KIF1B: variants seen among roughly 807,000 people sequenced by gnomAD.
KIF1B encodes kinesin-like protein KIF1B.
Under a neutral mutation model 241.9 loss-of-function variants are expected in KIF1B, and 76 were observed. The ratio of observed to expected loss-of-function variants is 0.31; its 90% CI spans 0.26 to 0.38. The LOEUF is 0.38. KIF1B is among the 10% of genes least tolerant of loss of function. KIF1B has a pLI of 1.00. For synonymous variants in KIF1B, 750 were observed against 796.7 expected, an observed-to-expected ratio of 0.94 and a Z score of 0.99; for missense variants, 1,622 against 2,271.4, an observed-to-expected ratio of 0.71 and a Z score of 5.81.
At chr1:10,248,633 G>A (rs1422121874) in intron 2 of KIF1B, among the ~76,000 whole-genome samples, 1 of 152,190 alleles carries the variant, frequency 6.6e-6, no homozygotes, top group Non-Finnish European at 1.5e-5. Context: ...CAAATGGAGA[G>A]CAAAGTTCCC....
chr1:10,381,223 G>A lies in KIF1B; in HGVS notation c.*4636G>A, dbSNP rs1176194124. 1 of 222,924 alleles carries A rather than the reference G, an allele frequency of 4.5e-6. No individual in the cohort carries two copies. The highest frequency in any genetic ancestry group is 9.0e-6 in the Non-Finnish European group (1 of 111,438). 13.8% of individuals were successfully genotyped at this position (222,924 alleles called of 1,614,324 possible). ...TCGTCTTAGACTTTGTGGCTCTAAA[G>A]TACCTGTCTGTTGAGATTTCAAGTC... On this transcript the variant is annotated 3_prime_UTR_variant, in exon 49 of 49. Coordinates refer to ENST00000676179, the MANE Select transcript of KIF1B (RefSeq NM_001365951.3).
intron 17 of KIF1B, 137 bp from the exon 18 acceptor site, chr1:10,294,949 G>A (rs972719260): frequency 1.1e-5 from 8 of 711,478 alleles, no homozygotes; most frequent in South Asian, 3.0e-5. Flanking sequence ...TTATGGAACC[G>A]CAACTAGGGA....
In KIF1B at chr1:10,379,191, TGA is replaced by T. The variant is rs777771329; in HGVS notation, c.*2612_*2613del. The T allele has an allele frequency of 2.6e-5, 6 of 232,232 alleles. No homozygotes were observed. Among genetic ancestry groups the T allele is most frequent in the East Asian group, 2.4e-4 (4 of 16,404 alleles). The allele number at this position is 232,232 out of a possible 1,614,324, so 14.4% of individuals were successfully genotyped here. A position where few individuals can be genotyped will look rare whatever the true frequency, so the allele number is the denominator to read the frequency against. On this transcript the variant is annotated 3_prime_UTR_variant, in exon 49 of 49. Transcript: ENST00000676179. ...CTGTGACACAGGACGGTGGGAAGCC[TGA>T]GAGAGAGTGAAATTATGTGATACAC...
intron 1 of KIF1B, among the ~76,000 whole-genome samples, chr1:10,225,717 TC>T (rs1646900666): frequency 6.6e-6 from 1 of 152,078 alleles, no homozygotes; most frequent in South Asian, 2.1e-4. Context: ...TGGGATGCAT[TC>T]TGGAAGTCCT....
At chr1:10,353,389 C>T (rs6703708) in intron 38 of KIF1B, among the ~76,000 whole-genome samples, 9,037 of 152,230 alleles carry the variant, frequency 0.059, 487 homozygotes, top group African/African-American at 0.15. Context: ...TCGTAAAGTA[C>T]ATAGCCATTC....
At position 10,324,862 on chromosome 1, in the gene KIF1B, A is replaced by G. The variant is rs755850268; in HGVS notation, c.2642A>G (p.Tyr881Cys). 16 of 1,614,012 alleles carry G rather than the reference A, an allele frequency of 9.9e-6. No individual in the cohort carries two copies. The highest frequency in any genetic ancestry group is 1.2e-5 in the Non-Finnish European group (14 of 1,180,026). The change falls in exon 26 of 49, where the codon TAT (tyrosine) becomes TGT (cysteine). Residue 881 changes from tyrosine (Y) to cysteine (C), a missense_variant. Tyr to Cys is a radical substitution (Grantham distance 194, BLOSUM62 -2). This residue lies in a region of KIF1B where 803 missense variants were observed against 1,112.0 expected (regional missense o/e 0.72). Coordinates refer to ENST00000676179, the MANE Select transcript of KIF1B (RefSeq NM_001365951.3). ...ACTGTGACTGGCAGCGATCCCTTCT[A>G]TGATCGGTTCCACTGGTTCAAACTT... ...ETTVTGSDPFYDRFHWFKLVG... is the reference protein window; with the variant it reads ...ETTVTGSDPFCDRFHWFKLVG...
chr1:10,226,289 G>C (rs1646907698), intron 1 of KIF1B, among the ~76,000 whole-genome samples: 1 of 152,206 alleles, frequency 6.6e-6, no homozygotes, highest in East Asian at 1.9e-4. Flanking sequence ...TTCGGCTTTA[G>C]TTGTGTGAGA....
chr1:10,280,328 G>A (rs752556998), intron 14 of KIF1B, among the ~76,000 whole-genome samples: 36 of 151,874 alleles, frequency 2.4e-4, no homozygotes, highest in Non-Finnish European at 4.1e-4. Flanking sequence ...TCCGCTGCCT[G>A]GGTTCAAGCG....
intron 1 of KIF1B, among the ~76,000 whole-genome samples, chr1:10,217,681 C>T (rs147031467): frequency 1.3e-5 from 2 of 151,964 alleles, no homozygotes; most frequent in African/African-American, 4.8e-5. Flanking sequence ...ACTCCTTTAC[C>T]TCTTTCAAGT....
At chr1:10,242,479 A>G (rs1342766239) in intron 2 of KIF1B, among the ~76,000 whole-genome samples, 2 of 152,220 alleles carry the variant, frequency 1.3e-5, no homozygotes, top group Non-Finnish European at 2.9e-5. Context: ...ATCTAACCAT[A>G]GAAAGGGTAC....
intron 22 of KIF1B, among the ~76,000 whole-genome samples, chr1:10,318,756 A>C (rs1651402907): frequency 6.6e-6 from 1 of 152,194 alleles, no homozygotes; most frequent in Admixed American, 6.5e-5. Context: ...AGTAAATCTT[A>C]AAATGCTATG....
chr1:10,297,877 C>T (rs1396432616), intron 22 of KIF1B, among the ~76,000 whole-genome samples: 1 of 152,042 alleles, frequency 6.6e-6, no homozygotes, highest in Non-Finnish European at 1.5e-5. Context: ...GGCTTGCTTC[C>T]TTTGAGGGAA....
At chr1:10,228,041 C>T (rs559258433) in intron 1 of KIF1B, among the ~76,000 whole-genome samples, 2 of 151,624 alleles carry the variant, frequency 1.3e-5, no homozygotes, top group Admixed American at 6.6e-5. Flanking sequence ...AAAAATTACC[C>T]GGGCGTGCTG....
At position 10,303,502 on chromosome 1, in the gene KIF1B, A is replaced by G. The variant is rs754337499; in HGVS notation, c.2115+6256A>G. 1.5e-5 allele frequency: 25 copies of G among 1,614,076 alleles called. No homozygotes were observed. The highest frequency in any genetic ancestry group is 1.5e-4 in the Admixed American group (9 of 60,002). On this transcript the variant is annotated intron_variant, in intron 22 of 48. Coordinates refer to ENST00000676179, the MANE Select transcript of KIF1B (RefSeq NM_001365951.3). The surrounding 1 kb of genome is among the most constrained non-coding windows in gnomAD (Gnocchi z 5.2). ...TGTCAAGATGAAGGAGCTTTGTGCC[A>G]TGTATGGCAAGAAAGACCCCAATGA...
chr1:10,307,718 A>AAATAAGTGTTTGC (rs1398838528), intron 22 of KIF1B: 64 of 1,027,726 alleles, frequency 6.2e-5, no homozygotes, highest in Non-Finnish European at 7.5e-5. Context: ...CCTAGCTATT[A>AAATAAGTGTTTGC]TTATAGCAAA....
In KIF1B at chr1:10,374,215, G is replaced by C. The variant is rs748107286; in HGVS notation, c.4947-101G>C. ...ACTCAAGTTTGCAGCTGGGGTTTAG[G>C]GAGGGCCATTGTGTTCCTCCCAGTG... On this transcript the variant is annotated intron_variant, in intron 45 of 48. Transcript: ENST00000676179. This position sits in a 1 kb window ranked among gnomAD's most constrained non-coding sequence, Gnocchi z 4.3. The C allele has an allele frequency of 3.2e-5, 40 of 1,269,564 alleles. No homozygotes were observed. Among genetic ancestry groups the C allele is most frequent in the Non-Finnish European group, 4.1e-5 (36 of 869,406 alleles). 78.6% of individuals were successfully genotyped at this position (1,269,564 alleles called of 1,614,324 possible).
At chr1:10,283,206 C>CAAAAAAA (rs33994771) in intron 15 of KIF1B, among the ~76,000 whole-genome samples, 3 of 61,572 alleles carry the variant, frequency 4.9e-5, no homozygotes, top group African/African-American at 5.7e-5. Flanking sequence ...GACTCCGTCT[C>CAAAAAAA]AAAAAAAAAA....
At chr1:10,296,817 T>A in intron 20 of KIF1B, 80 bp from the exon 21 acceptor site, 1 of 1,392,886 alleles carries the variant, frequency 7.2e-7, no homozygotes, top group Non-Finnish European at 1.0e-6. Context: ...CTTTTCACAT[T>A]AGGGAGGGGT....
intron 20 of KIF1B, 41 bp downstream of exon 20, chr1:10,296,706 A>C (rs377738428): frequency 2.6e-5 from 41 of 1,564,100 alleles, no homozygotes; most frequent in Non-Finnish European, 3.2e-5. Context: ...CAATGTGCAC[A>C]TGGCTTCTGT....
Sources: gnomAD v4.1 joint callset for allele counts (sites outside exome capture counted in the v4.1 genomes callset) on GRCh38, gnomAD v4.1.1 for gene constraint, gnomAD v4.1.1 regional missense constraint, Gnocchi (gnomAD v3.1) non-coding constraint, MANE v1.5 for transcripts, NCBI Gene and HGNC (gene_info 2026-07-23, HGNC 2026-07-21) for gene names.